The following BTN3A1 variants were observed in gnomAD, a reference collection of about 807,000 sequenced individuals.
BTN3A1 encodes butyrophilin subfamily 3 member A1, also known as dJ45P21.3 (butyrophilin, subfamily 3, member A1).
In BTN3A1, 24 loss-of-function variants were observed where a neutral mutation model predicts 43.0. That is an observed-to-expected ratio of 0.56 (90% CI 0.40 to 0.78). The LOEUF is 0.78. Ranked by LOEUF, BTN3A1 falls within the 30% of genes least tolerant of loss-of-function variation. The pLI is 0.00. For synonymous variants in BTN3A1, 181 were observed against 234.7 expected (o/e 0.77, Z 2.09); for missense variants, 533 against 626.2 (o/e 0.85, Z 1.59).
rs1762048259 is a variant in BTN3A1 at position 26,407,176 on chromosome 6, T to C, written c.434-495T>C. ...TTCAACAGGAGGACACTGAGTCCTG[T>C]TGCTGCTTCCAGATAAAGGGACTGC... On this transcript the variant is annotated intron_variant, in intron 3 of 9. Coordinates refer to ENST00000289361, the MANE Select transcript of BTN3A1 (RefSeq NM_007048.6). Among the ~76,000 whole-genome samples the C allele has an allele frequency of 2.0e-5, 3 of 152,198 alleles. No homozygotes were observed. The South Asian group carries it at 6.2e-4, about 32-fold the overall frequency.
Position 26,413,183 on chromosome 6 carries a change from G to T in BTN3A1, c.1033G>T (p.Asp345Tyr), listed in dbSNP as rs375300833. ...ACTCTCTGCAGCGGATGTGATTCTGGATCCAAAAACAGCAAACCCCATCCT... is the reference window on the plus strand; with the variant it reads ...ACTCTCTGCAGCGGATGTGATTCTGTATCCAAAAACAGCAAACCCCATCCT... ...ALFKPADVIL[D>Y]PKTANPILLV... The change falls in exon 10 of 10, where the codon GAT (aspartate) becomes TAT (tyrosine). Residue 345 changes from aspartate to tyrosine, a missense_variant. Transcript: ENST00000289361. 125 of 1,612,214 alleles carry T rather than the reference G, an allele frequency of 7.8e-5. No individual in the cohort carries two copies. Among genetic ancestry groups the T allele is most frequent in the Non-Finnish European group, 1.0e-4 (121 of 1,179,024 alleles).
In BTN3A1 at chr6:26,410,035, AAGT is replaced by A; in HGVS notation, c.964+4_964+6del. The A allele has an allele frequency of 6.2e-7, 1 of 1,613,984 alleles. No homozygotes were observed. The highest frequency in any genetic ancestry group is 1.3e-5 in the African/African-American group (1 of 74,996). On this transcript the variant is annotated splice_donor_5th_base_variant and intron_variant, in intron 7 of 9. Coordinates refer to ENST00000289361, the MANE Select transcript of BTN3A1 (RefSeq NM_007048.6). ...GAGAAGTATCCAGTATGCATCTCGTAAGTGCCTCTGACATTTTCTCTGAATTTG... is the reference window on the plus strand; with the variant it reads ...GAGAAGTATCCAGTATGCATCTCGTAGCCTCTGACATTTTCTCTGAATTTG...
At chr6:26,409,755 T>G (rs769069660) in intron 5 of BTN3A1, 22 bp downstream of exon 5, 117 of 1,576,214 alleles carry the variant, frequency 7.4e-5, no homozygotes, top group Non-Finnish European at 9.8e-5. Flanking sequence ...TGGGAGTTTA[T>G]CTGAGCCCCT....
At chr6:26,405,848 C>T in intron 2 of BTN3A1, 61 bp from the exon 3 acceptor site, 11 of 1,612,120 alleles carry the variant, frequency 6.8e-6, no homozygotes, top group Non-Finnish European at 7.6e-6. Flanking sequence ...TGAGAAGCAC[C>T]CTTCCTCTCA....
intron 1 of BTN3A1, chr6:26,404,380 C>T (rs1199783050): frequency 2.0e-5 from 3 of 152,228 alleles, no homozygotes; most frequent in East Asian, 1.9e-4. Flanking sequence ...CACTCACTAA[C>T]CTCTGATCTT....
At chr6:26,411,160 G>A in intron 8 of BTN3A1, 25 bp downstream of exon 8, 1 of 1,607,168 alleles carries the variant, frequency 6.2e-7, no homozygotes, top group Non-Finnish European at 8.5e-7. Context: ...TGCTCTCTGA[G>A]TTTGCTGGGA....
At chr6:26,410,507 A>G (rs1651351643) in intron 7 of BTN3A1, among the ~76,000 whole-genome samples, 3 of 152,086 alleles carry the variant, frequency 2.0e-5, no homozygotes, top group African/African-American at 4.8e-5. Flanking sequence ...ATAATAAAGA[A>G]CAAGAAAATC....
At chr6:26,410,296 G>A (rs12214486) in intron 7 of BTN3A1, among the ~76,000 whole-genome samples, 25,763 of 151,774 alleles carry the variant, frequency 0.17, 2,271 homozygotes, top group South Asian at 0.23. Flanking sequence ...CTCTTTCTCA[G>A]CTGGTCTCGA....
intron 9 of BTN3A1, 45 bp from the exon 10 acceptor site, chr6:26,413,124 G>A: frequency 6.4e-7 from 1 of 1,566,796 alleles, no homozygotes; most frequent in Non-Finnish European, 8.6e-7. Flanking sequence ...CTGAAATCCA[G>A]GAAAAATGGT....
At chr6:26,409,015 G>A (rs923000703) in intron 4 of BTN3A1, among the ~76,000 whole-genome samples, 2 of 152,126 alleles carry the variant, frequency 1.3e-5, no homozygotes, top group Non-Finnish European at 2.9e-5. Context: ...TTCAGGAGAA[G>A]GGCAGTAGGA....
At chr6:26,408,839 C>T (rs1055171001) in intron 4 of BTN3A1, among the ~76,000 whole-genome samples, 2 of 152,118 alleles carry the variant, frequency 1.3e-5, no homozygotes, top group South Asian at 4.1e-4. Flanking sequence ...TAACTTTGCA[C>T]AGAAAGAGCA....
chr6:26,413,568 T>C lies in BTN3A1; in HGVS notation c.1418T>C (p.Phe473Ser), dbSNP rs1310719191. ...GACTATGAGACTGGAGATATCTCAT[T>C]CTACAATGCTGTGGATGGATCGCAT... The part of the protein sequence containing the change: ...FLDYETGDIS[F>S]YNAVDGSHIH... The change falls in exon 10 of 10, where the codon TTC (phenylalanine) becomes TCC (serine). Residue 473 changes from phenylalanine to serine, a missense_variant. This residue lies in a region of BTN3A1 where 415 missense variants were observed against 427.0 expected (regional missense o/e 0.97). Transcript: ENST00000289361. The C allele has an allele frequency of 6.2e-7, 1 of 1,614,170 alleles. No individual in the cohort carries two copies. The highest frequency in any genetic ancestry group is 1.7e-5 in the Admixed American group (1 of 60,018).
chr6:26,413,209 C>A lies in BTN3A1; in HGVS notation c.1059C>A (p.Leu353=). The part of the protein sequence containing the change: ...ILDPKTANPI[L]LVSEDQRSVQ... ...ATCCAAAAACAGCAAACCCCATCCT[C>A]CTTGTTTCTGAGGACCAGAGGAGTG... Residue 353 remains leucine, a synonymous_variant, in exon 10 of 10, where the codon CTC becomes CTA. Coordinates refer to ENST00000289361, the MANE Select transcript of BTN3A1 (RefSeq NM_007048.6). 1 of 1,614,086 alleles carries A rather than the reference C, an allele frequency of 6.2e-7. No homozygotes were observed.
Position 26,411,110 on chromosome 6 carries a change from G to A in BTN3A1, c.966G>A (p.Arg322=), listed in dbSNP as rs778400697. 6.2e-7 allele frequency: 1 copy of A among 1,606,178 alleles called. No individual in the cohort carries two copies. Among genetic ancestry groups the A allele is most frequent in the Non-Finnish European group, 8.5e-7 (1 of 1,176,604 alleles). The change falls in exon 8 of 10, where the codon CGG becomes CGA. Residue 322 remains arginine, a splice_region_variant and synonymous_variant. Transcript: ENST00000289361. ...ATCTCTATCTTTTTTTCATTGTAGGGGGAGAGAGACATTCAGCCTATAATG... is the reference window on the plus strand; with the variant it reads ...ATCTCTATCTTTTTTTCATTGTAGGAGGAGAGAGACATTCAGCCTATAATG... ...LRWRSIQYAS[R]GERHSAYNEW... is the part of the protein sequence containing the mutation.
chr6:26,406,518 T>C (rs1762025087), intron 3 of BTN3A1, among the ~76,000 whole-genome samples: 1 of 152,210 alleles, frequency 6.6e-6, no homozygotes, highest in African/African-American at 2.4e-5. Flanking sequence ...GGACAAGGGA[T>C]AGAAAGCATA....
rs1263976970 is a variant in BTN3A1, at chr6:26,409,527, T to C, written c.716-6T>C. The C allele has an allele frequency of 2.5e-6, 4 of 1,613,176 alleles. No individual in the cohort carries two copies. The highest frequency in any genetic ancestry group is 1.3e-5 in the African/African-American group (1 of 74,952). ...CCCCCATGACCCACAGCCGTTGCCT[T>C]CACAGACCCCTTCTTCAGGAGCGCC... is the stretch of plus-strand genomic sequence containing the variant. On this transcript the variant is annotated splice_region_variant and splice_polypyrimidine_tract_variant and intron_variant, in intron 4 of 9. Coordinates refer to ENST00000289361, the MANE Select transcript of BTN3A1 (RefSeq NM_007048.6).
At chr6:26,407,254 G>A (rs9393718) in intron 3 of BTN3A1, among the ~76,000 whole-genome samples, 11,650 of 152,160 alleles carry the variant, frequency 0.077, 554 homozygotes, top group Non-Finnish European at 0.11. Context: ...TTAAGGGTTT[G>A]GTCAGCAGGG....
At chr6:26,407,119 T>G (rs932624169) in intron 3 of BTN3A1, among the ~76,000 whole-genome samples, 3 of 152,206 alleles carry the variant, frequency 2.0e-5, no homozygotes, top group Admixed American at 6.5e-5. Context: ...AGTGCCATCA[T>G]CTGATGCTGG....
chr6:26,412,665 T>C (rs1479385226), intron 9 of BTN3A1: 6 of 1,551,146 alleles, frequency 3.9e-6, no homozygotes, highest in Non-Finnish European at 5.2e-6. Flanking sequence ...GATTGCCTTC[T>C]ACAGCGCTAG....
Sources: allele counts gnomAD v4.1 joint callset (sites outside exome capture counted in the v4.1 genomes callset), GRCh38; gene constraint gnomAD v4.1.1; regional missense constraint gnomAD v4.1.1; transcripts MANE v1.5; gene names NCBI Gene and HGNC (gene_info 2026-07-23, HGNC 2026-07-21).